The following CSMD1 variants were observed in gnomAD, a reference collection of about 807,000 sequenced individuals.
CSMD1 encodes CUB and sushi domain-containing protein 1.
A neutral mutation model predicts 417.5 loss-of-function variants in CSMD1; 213 were observed. That is an observed-to-expected ratio of 0.51 (90% CI 0.46 to 0.57). The LOEUF is 0.57. Among genes scored for constraint, CSMD1 ranks in the 20% least tolerant of loss-of-function variants. CSMD1 has a pLI of 0.00. For missense variants in CSMD1, 6,923 were observed against 4,529.7 expected, an observed-to-expected ratio of 1.53 and a Z score of -15.17; for synonymous variants, 2,862 against 1,736.8, an observed-to-expected ratio of 1.65 and a Z score of -16.11.
chr8:4,906,366 T>A (rs1805276109), intron 1 of CSMD1, among the ~76,000 whole-genome samples: 1 of 152,182 alleles, frequency 6.6e-6, no homozygotes, highest in African/African-American at 2.4e-5. Flanking sequence ...ACAACTTATG[T>A]TATTGTGGGT....
intron 2 of CSMD1, among the ~76,000 whole-genome samples, chr8:4,540,175 A>C (rs1233027564): frequency 1.3e-5 from 2 of 152,176 alleles, no homozygotes; most frequent in Non-Finnish European, 2.9e-5. Flanking sequence ...TCAAGTTAGG[A>C]ATGAAGTTTG....
intron 7 of CSMD1, chr8:3,704,864 G>C (rs1166220012): frequency 2.0e-5 from 3 of 152,280 alleles, no homozygotes; most frequent in Non-Finnish European, 4.4e-5. Context: ...TGCCCTGACA[G>C]TGAGCAGAGG....
rs1163712638 is a variant in CSMD1 at position 4,277,983 on chromosome 8, CG to C, written c.415+141969del. Among the ~76,000 whole-genome samples, 10 of 152,158 alleles carry C rather than the reference CG, an allele frequency of 6.6e-5. No homozygotes were observed. In the East Asian group the frequency reaches 1.9e-3, roughly 29 times the overall value. On this transcript the variant is annotated intron_variant, in intron 3 of 69. Coordinates refer to ENST00000635120, the MANE Select transcript of CSMD1 (RefSeq NM_033225.6). Reference sequence around the variant, plus strand: ...CAGGCTGGTCTTGAACTCCTAACCTCGTGATTCGCCGCCTTGCCCTCCCAAA... The same window carrying C: ...CAGGCTGGTCTTGAACTCCTAACCTCTGATTCGCCGCCTTGCCCTCCCAAA...
At chr8:4,011,674 A>G (rs1329850273) in intron 4 of CSMD1, among the ~76,000 whole-genome samples, 3 of 152,178 alleles carry the variant, frequency 2.0e-5, no homozygotes, top group African/African-American at 7.2e-5. Context: ...TAAATTTTTA[A>G]ACTACGAAAT....
chr8:3,340,495 A>C (rs971164454), intron 23 of CSMD1, among the ~76,000 whole-genome samples: 29 of 152,218 alleles, frequency 1.9e-4, no homozygotes, highest in Non-Finnish European at 3.4e-4. Flanking sequence ...ATGTTTCCTT[A>C]AGTAGTGCAA....
chr8:3,480,023 T>A (rs976403872), intron 11 of CSMD1, among the ~76,000 whole-genome samples: 13 of 152,166 alleles, frequency 8.5e-5, no homozygotes, highest in Non-Finnish European at 1.9e-4. Flanking sequence ...TTGAGATCAA[T>A]GGAATTCTCC....
chr8:3,166,796 C>G (rs1180110062), intron 37 of CSMD1, among the ~76,000 whole-genome samples: 3 of 152,072 alleles, frequency 2.0e-5, no homozygotes, highest in Non-Finnish European at 4.4e-5. Context: ...AAAAAGAACT[C>G]ACAAAACGTA....
intron 3 of CSMD1, among the ~76,000 whole-genome samples, chr8:4,303,717 A>T (rs933196921): frequency 6.6e-6 from 1 of 151,788 alleles, no homozygotes; most frequent in Admixed American, 6.6e-5. Flanking sequence ...GCTCACTGTC[A>T]TTATCTTGGC....
chr8:4,172,600 C>G (rs1019095659), intron 3 of CSMD1, among the ~76,000 whole-genome samples: 11 of 152,154 alleles, frequency 7.2e-5, no homozygotes, highest in East Asian at 3.9e-4. Flanking sequence ...GAACATCTAA[C>G]TAAGCTCATG....
At chr8:4,360,366 T>C (rs1415928748) in intron 3 of CSMD1, among the ~76,000 whole-genome samples, 1 of 152,200 alleles carries the variant, frequency 6.6e-6, no homozygotes, top group African/African-American at 2.4e-5. Flanking sequence ...ACATGCCTCT[T>C]TACCCTAATT....
chr8:4,454,466 T>C (rs1233974360), intron 2 of CSMD1, among the ~76,000 whole-genome samples: 1 of 152,164 alleles, frequency 6.6e-6, no homozygotes, highest in Admixed American at 6.5e-5. Flanking sequence ...GAGTATAAAC[T>C]CTTCAAGTAT....
At chr8:4,041,411 A>C (rs1366806517) in intron 3 of CSMD1, among the ~76,000 whole-genome samples, 2 of 152,226 alleles carry the variant, frequency 1.3e-5, no homozygotes, top group African/African-American at 4.8e-5. Context: ...CAAGCTTACT[A>C]CTACGAAAAA....
intron 3 of CSMD1, among the ~76,000 whole-genome samples, chr8:4,241,220 C>T (rs969035443): frequency 2.6e-5 from 4 of 152,182 alleles, no homozygotes; most frequent in African/African-American, 9.7e-5. Context: ...ACTTGTAGCA[C>T]ACTAGAATAG....
chr8:4,445,867 G>T (rs145947787), intron 2 of CSMD1, among the ~76,000 whole-genome samples: 4 of 152,184 alleles, frequency 2.6e-5, no homozygotes, highest in South Asian at 2.1e-4. Flanking sequence ...GTGTTCTCCC[G>T]CTGGAGAAGG....
At chr8:4,154,038 C>T (rs990463985) in intron 3 of CSMD1, among the ~76,000 whole-genome samples, 4 of 152,160 alleles carry the variant, frequency 2.6e-5, no homozygotes, top group African/African-American at 9.7e-5. Context: ...CAGCTTGCTG[C>T]CACATTTGTT....
chr8:4,972,747 A>C (rs1810319464), intron 1 of CSMD1, among the ~76,000 whole-genome samples: 1 of 144,256 alleles, frequency 6.9e-6, no homozygotes, highest in South Asian at 2.1e-4. Flanking sequence ...GAAGATTACC[A>C]ACACATTTTC....
chr8:4,444,424 G>C (rs1206248864), intron 2 of CSMD1, among the ~76,000 whole-genome samples: 1 of 144,684 alleles, frequency 6.9e-6, no homozygotes, highest in Non-Finnish European at 1.5e-5. Flanking sequence ...CTCAAAAATG[G>C]ACAACTTTTA....
intron 7 of CSMD1, among the ~76,000 whole-genome samples, chr8:3,683,224 A>C (rs546602449): frequency 1.3e-5 from 2 of 151,640 alleles, no homozygotes; most frequent in Admixed American, 1.3e-4. Context: ...AAAATTAAAA[A>C]ATAAAATAAT....
At chr8:4,241,073 C>A (rs1390723978) in intron 3 of CSMD1, among the ~76,000 whole-genome samples, 1 of 152,130 alleles carries the variant, frequency 6.6e-6, no homozygotes, top group Non-Finnish European at 1.5e-5. Context: ...GATTTGATCG[C>A]TGAATTACTT....
Sources: allele counts gnomAD v4.1 joint callset (sites outside exome capture counted in the v4.1 genomes callset), GRCh38; gene constraint gnomAD v4.1.1; transcripts MANE v1.5; gene names NCBI Gene and HGNC (gene_info 2026-07-23, HGNC 2026-07-21).